Variants in WIPI2 observed in about 807,000 individuals in gnomAD.
The protein encoded by WIPI2 is WD repeat domain phosphoinositide-interacting protein 2.
Under a neutral mutation model 52.3 loss-of-function variants are expected in WIPI2, and 28 were observed. The observed-to-expected ratio is 0.54, with a 90% CI of 0.40 to 0.73. The LOEUF (loss-of-function observed/expected upper bound fraction) is 0.73, where lower values mean the gene tolerates loss of function less well. Among genes scored for constraint, WIPI2 ranks in the 30% least tolerant of loss-of-function variants. The pLI is 0.00. For missense variants in WIPI2, 506 were observed against 602.9 expected (o/e 0.84, Z 1.68); for synonymous variants, 268 against 245.0 (o/e 1.09, Z -0.88).
At chr7:5,199,742 G>T in intron 3 of WIPI2, 84 bp downstream of exon 3, 5 of 1,358,326 alleles carry the variant, frequency 3.7e-6, no homozygotes, top group Non-Finnish European at 5.0e-6. Flanking sequence ...AAATTCAGAC[G>T]CTGTGGTTGA....
chr7:5,221,782 C>A (rs1019976156), intron 7 of WIPI2, among the ~76,000 whole-genome samples: 1 of 151,962 alleles, frequency 6.6e-6, no homozygotes, highest in African/African-American at 2.4e-5. Context: ...GTGCATCTTA[C>A]CATTTGGTGA....
intron 3 of WIPI2, 81 bp downstream of exon 3, chr7:5,199,739 G>A: frequency 7.3e-7 from 1 of 1,377,664 alleles, no homozygotes; most frequent in Non-Finnish European, 9.9e-7. Flanking sequence ...CTAAAATTCA[G>A]ACGCTGTGGT....
chr7:5,204,431 C>T (rs562150369), intron 3 of WIPI2, among the ~76,000 whole-genome samples: 1 of 152,118 alleles, frequency 6.6e-6, no homozygotes, highest in Non-Finnish European at 1.5e-5. Flanking sequence ...TGTGCCACTG[C>T]GCTCCAGCTT....
At chr7:5,228,271 ACCTGGCGAACGTTTGTTTATTT>A in intron 11 of WIPI2, 60 bp downstream of exon 11, 1 of 1,443,722 alleles carries the variant, frequency 6.9e-7, no homozygotes, top group South Asian at 1.3e-5. Flanking sequence ...CTTTCGGGGC[ACCTGGCGAACGTTTGTTTATTT>A]CCTTGCAAAC....
Position 5,232,333 on chromosome 7 carries a change from G to A in WIPI2, c.*1386G>A, listed in dbSNP as rs539413305. 444 of 398,656 alleles carry A rather than the reference G, an allele frequency of 1.1e-3. 2 individuals are homozygous for A. The highest frequency in any genetic ancestry group is 8.5e-3 in the African/African-American group (416 of 48,770). The allele number at this position is 398,656 out of a possible 1,614,324, so 24.7% of individuals were successfully genotyped here. On this transcript the variant is annotated 3_prime_UTR_variant, in exon 13 of 13. Transcript: ENST00000288828. ...AGGGGAGTTGTCCCCTCAGCTGAGC[G>A]GCTGCGGTGAAATGCCCCAGTGTTC...
intron 2 of WIPI2, among the ~76,000 whole-genome samples, chr7:5,198,563 C>T (rs1027144811): frequency 6.6e-6 from 1 of 152,164 alleles, no homozygotes; most frequent in East Asian, 1.9e-4. Flanking sequence ...ATCTGCCCGC[C>T]TCAGCCTTCC....
chr7:5,190,995 TG>T (rs1404188280), intron 1 of WIPI2, among the ~76,000 whole-genome samples: 1 of 151,706 alleles, frequency 6.6e-6, no homozygotes, highest in Non-Finnish European at 1.5e-5. Context: ...CGTTTCTCAC[TG>T]TTTTTTTGTT....
chr7:5,213,012 T>TG (rs1782630364), intron 3 of WIPI2: 1 of 152,274 alleles, frequency 6.6e-6, no homozygotes, highest in African/African-American at 2.4e-5. Context: ...CGTGTCTGAG[T>TG]GGTGCTGCAT....
chr7:5,216,222 A>G (rs557308768), intron 4 of WIPI2: 8 of 200,608 alleles, frequency 4.0e-5, no homozygotes, highest in South Asian at 2.9e-4. Flanking sequence ...ACCTGAGGTC[A>G]GGAGTCCAAG....
Position 5,193,122 on chromosome 7 carries a change from G to A in WIPI2, c.79G>A (p.Val27Met). ...FANFNQDNTE[V>M]KGASRAAGLG... The stretch of plus-strand genomic sequence containing the variant: ...TTGTTTTGTTTTTTTACCTAGAGAA[G>A]TGAAAGGGGCATCAAGAGCAGCTGG... The change falls in exon 2 of 13, where the codon GTG (valine) becomes ATG (methionine). Residue 27 changes from valine (V) to methionine (M), a missense_variant. This residue lies in a region of WIPI2 where 60 missense variants were observed against 49.7 expected (regional missense o/e 1.21). Coordinates refer to ENST00000288828, the MANE Select transcript of WIPI2 (RefSeq NM_015610.4). 6.2e-7 allele frequency: 1 copy of A among 1,613,950 alleles called. No homozygotes were observed. Among genetic ancestry groups the A allele is most frequent in the Non-Finnish European group, 8.5e-7 (1 of 1,179,944 alleles).
intron 3 of WIPI2, among the ~76,000 whole-genome samples, chr7:5,204,793 C>T (rs1341905887): frequency 3.3e-5 from 5 of 152,110 alleles, no homozygotes; most frequent in Non-Finnish European, 7.3e-5. Flanking sequence ...AAGTGATCCT[C>T]CCCCTTCTTG....
chr7:5,228,328 A>G, intron 11 of WIPI2, 117 bp downstream of exon 11: 3 of 981,138 alleles, frequency 3.1e-6, no homozygotes, highest in Non-Finnish European at 4.4e-6. Flanking sequence ...GGCAGATTCC[A>G]GCACAGCGGC....
At chr7:5,202,873 A>G (rs1782098790) in intron 3 of WIPI2, among the ~76,000 whole-genome samples, 1 of 152,238 alleles carries the variant, frequency 6.6e-6, no homozygotes, top group African/African-American at 2.4e-5. Flanking sequence ...AAATAAATGA[A>G]GGGTATGGGT....
At chr7:5,222,199 T>C (rs1783177050) in intron 7 of WIPI2, among the ~76,000 whole-genome samples, 1 of 152,220 alleles carries the variant, frequency 6.6e-6, no homozygotes, top group Non-Finnish European at 1.5e-5. Context: ...TCTGCCCGCC[T>C]CGGCCTCCCA....
intron 2 of WIPI2, among the ~76,000 whole-genome samples, chr7:5,194,515 C>T (rs1208320794): frequency 6.6e-6 from 1 of 152,172 alleles, no homozygotes; most frequent in Non-Finnish European, 1.5e-5. Flanking sequence ...AATTCATTGA[C>T]GGAGACTTTC....
chr7:5,192,763 C>G (rs973419377), intron 1 of WIPI2, among the ~76,000 whole-genome samples: 2 of 152,170 alleles, frequency 1.3e-5, no homozygotes, highest in African/African-American at 4.8e-5. Context: ...CCGGAGAGAG[C>G]TTTTATGGCT....
intron 3 of WIPI2, among the ~76,000 whole-genome samples, chr7:5,211,275 C>T (rs1227331596): frequency 6.6e-6 from 1 of 152,132 alleles, no homozygotes; most frequent in Non-Finnish European, 1.5e-5. Flanking sequence ...AGTTCAAGAC[C>T]AGCCTGGCCA....
chr7:5,225,333 G>GAT (rs1783374839), intron 8 of WIPI2, among the ~76,000 whole-genome samples: 1 of 152,018 alleles, frequency 6.6e-6, no homozygotes, highest in Non-Finnish European at 1.5e-5. Flanking sequence ...TAGAGACGGG[G>GAT]GGTTTCACCA....
rs1321518845 is a variant in WIPI2 at position 5,231,151 on chromosome 7, C to A, written c.*204C>A. On this transcript the variant is annotated 3_prime_UTR_variant, in exon 13 of 13. Coordinates refer to ENST00000288828, the MANE Select transcript of WIPI2 (RefSeq NM_015610.4). The stretch of plus-strand genomic sequence containing the variant: ...TCACTTCAGTGGCTTTTAAATCCTG[C>A]TTATGAATTTTAGCTTTTTGTTTGT... The A allele has an allele frequency of 1.4e-5, 6 of 419,294 alleles. No homozygotes were observed. The highest frequency in any genetic ancestry group is 1.2e-4 in the African/African-American group (6 of 48,836). 26.0% of individuals were successfully genotyped at this position (419,294 alleles called of 1,614,324 possible).
Sources: allele counts gnomAD v4.1 joint callset (sites outside exome capture counted in the v4.1 genomes callset), GRCh38; gene constraint gnomAD v4.1.1; regional missense constraint gnomAD v4.1.1; transcripts MANE v1.5; gene names NCBI Gene and HGNC (gene_info 2026-07-23, HGNC 2026-07-21).